Variants in KCNJ5 observed in about 807,000 individuals in gnomAD.
The protein encoded by KCNJ5 is G protein-activated inward rectifier potassium channel 4.
Under a neutral mutation model 20.2 loss-of-function variants are expected in KCNJ5, and 12 were observed. The ratio of observed to expected loss-of-function variants is 0.59; its 90% confidence interval spans 0.38 to 0.96. The LOEUF (loss-of-function observed/expected upper bound fraction) is 0.96. Ranked by LOEUF, KCNJ5 falls within the 40% of genes least tolerant of loss-of-function variation. KCNJ5 has a pLI of 0.00. For synonymous variants in KCNJ5, 210 were observed against 213.9 expected (o/e 0.98, Z 0.16); for missense variants, 449 against 557.6 (o/e 0.81, Z 1.96).
chr11:128,920,789 C>G lies in KCNJ5; in HGVS notation c.*4058C>G, dbSNP rs578203304. The stretch of plus-strand genomic sequence containing the variant: ...GGTCCTGCCTAAACTCTCACATCCA[C>G]GGCACCACGCTGGGCCCAGGCAACA... On this transcript the variant is annotated 3_prime_UTR_variant, in exon 3 of 3. Transcript: ENST00000529694. 2.6e-5 allele frequency: 4 copies of G among 152,372 alleles called. No individual in the cohort carries two copies. Among genetic ancestry groups the G allele is most frequent in the Admixed American group, 6.5e-5 (1 of 15,314 alleles). The allele number at this position is 152,372 out of a possible 1,614,324, so 9.4% of individuals were successfully genotyped here.
intron 2 of KCNJ5, among the ~76,000 whole-genome samples, chr11:128,915,180 A>C (rs985795032): frequency 6.6e-6 from 1 of 152,246 alleles, no homozygotes; most frequent in Non-Finnish European, 1.5e-5. Flanking sequence ...AATATCAGAA[A>C]GCTGCTTTCC....
In KCNJ5 at chr11:128,911,940, G is replaced by A. The variant is rs761349623; in HGVS notation, c.667G>A (p.Asp223Asn). The A allele has an allele frequency of 1.9e-6, 3 of 1,599,384 alleles. No individual in the cohort carries two copies. The highest frequency in any genetic ancestry group is 1.3e-5 in the African/African-American group (1 of 74,644). The change falls in exon 2 of 3, where the codon GAC becomes AAC. Residue 223 changes from aspartate to asparagine, a missense_variant. By Grantham distance (23) the Asp-to-Asn change is conservative. Around this residue, in one of 5 missense-constraint regions of KCNJ5, gnomAD observed 145 missense variants for 166.2 expected, o/e 0.87. Transcript: ENST00000529694. The surrounding 1 kb of genome is among the most constrained non-coding windows in gnomAD (Gnocchi z 6.3). ...GCTGTGCCTCATGTTCCGGGTGGGC[G>A]ACCTCCGCAACTCCCACATCGTGGA... ...EKLCLMFRVG[D>N]LRNSHIVEAS...
chr11:128,903,675 C>T (rs1388876037), intron 1 of KCNJ5, among the ~76,000 whole-genome samples: 1 of 152,176 alleles, frequency 6.6e-6, no homozygotes, highest in Non-Finnish European at 1.5e-5. Flanking sequence ...ACCTGGGATG[C>T]ATGGACATCT....
Position 128,920,621 on chromosome 11 carries a change from G to C in KCNJ5, c.*3890G>C, listed in dbSNP as rs1944651579. On this transcript the variant is annotated 3_prime_UTR_variant, in exon 3 of 3. Transcript: ENST00000529694. ...GGTGCCTGCCGTGGGTCAGGCACTTGATTCTCAAAACACTGCCGAGAAGCT... is the reference window on the plus strand; with the variant it reads ...GGTGCCTGCCGTGGGTCAGGCACTTCATTCTCAAAACACTGCCGAGAAGCT... The C allele has an allele frequency of 6.6e-6, 1 of 152,272 alleles. No individual in the cohort carries two copies. Among genetic ancestry groups the C allele is most frequent in the Admixed American group, 6.5e-5 (1 of 15,288 alleles). 9.4% of individuals were successfully genotyped at this position (152,272 alleles called of 1,614,324 possible).
Position 128,911,568 on chromosome 11 carries a change from G to A in KCNJ5, c.295G>A (p.Val99Ile), listed in dbSNP as rs1390685442. The A allele has an allele frequency of 6.2e-7, 1 of 1,614,096 alleles. No homozygotes were observed. The highest frequency in any genetic ancestry group is 2.2e-5 in the East Asian group (1 of 44,896). The change falls in exon 2 of 3, where the codon GTC (valine) becomes ATC (isoleucine). Residue 99 changes from valine (V) to isoleucine (I), a missense_variant. Physicochemically the swap from Val to Ile is conservative, Grantham distance 29. Coordinates refer to ENST00000529694, the MANE Select transcript of KCNJ5 (RefSeq NM_000890.5). This position sits in a 1 kb window ranked among gnomAD's most constrained non-coding sequence, Gnocchi z 6.3. Reference sequence around the variant, plus strand: ...GCTCGTCTTCACCATGGTTTACACTGTCACCTGGCTGTTCTTCGGCTTCAT... The same window carrying A: ...GCTCGTCTTCACCATGGTTTACACTATCACCTGGCTGTTCTTCGGCTTCAT... The part of the protein sequence containing the change: ...NLLVFTMVYT[V>I]TWLFFGFIWW...
rs61176061 is a variant in KCNJ5 at position 128,916,244 on chromosome 11, A to AGATGGATGGATG, written c.938-140_938-129dup. On this transcript the variant is annotated intron_variant, in intron 2 of 2. Coordinates refer to ENST00000529694, the MANE Select transcript of KCNJ5 (RefSeq NM_000890.5). ...TGGATGGTTGGATGGATAGATGATT[A>AGATGGATGGATG]GATGGATGGATGGATGGATGGATGG... 0.33 allele frequency among the ~76,000 whole-genome samples: 42,504 copies of AGATGGATGGATG among 128,496 alleles called. 8,300 individuals are homozygous for AGATGGATGGATG. The highest frequency in any genetic ancestry group is 0.52 in the African/African-American group (16,970 of 32,930). 84.3% of individuals were successfully genotyped at this position (128,496 alleles called of 152,430 possible).
chr11:128,894,121 C>G (rs1485754764), intron 1 of KCNJ5, among the ~76,000 whole-genome samples: 9 of 151,990 alleles, frequency 5.9e-5, no homozygotes, highest in Non-Finnish European at 8.8e-5. Flanking sequence ...CTGCGGTGGG[C>G]GAAGCCACAA....
At position 128,918,421 on chromosome 11, in the gene KCNJ5, G is replaced by C. The variant is rs2846695; in HGVS notation, c.*1690G>C. 24,173 of 152,344 alleles carry C rather than the reference G, an allele frequency of 0.16. 2,221 individuals are homozygous for C. Among genetic ancestry groups the C allele is most frequent in the Middle Eastern group, 0.25 (73 of 294 alleles). 9.4% of individuals were successfully genotyped at this position (152,344 alleles called of 1,614,324 possible). ...AGGCCCAAGAGCAAGGGTGGAGGGGGGCAGATTGTCAGGTCCCGAAATGTG... is the reference window on the plus strand; with the variant it reads ...AGGCCCAAGAGCAAGGGTGGAGGGGCGCAGATTGTCAGGTCCCGAAATGTG... On this transcript the variant is annotated 3_prime_UTR_variant, in exon 3 of 3. Transcript: ENST00000529694.
At chr11:128,910,118 G>A (rs1485698374) in intron 1 of KCNJ5, among the ~76,000 whole-genome samples, 1 of 152,220 alleles carries the variant, frequency 6.6e-6, no homozygotes, top group Non-Finnish European at 1.5e-5. Flanking sequence ...ATTTCCTAGT[G>A]CAGTTCCTGG....
chr11:128,904,414 G>A, intron 1 of KCNJ5: 1 of 1,614,026 alleles, frequency 6.2e-7, no homozygotes, highest in South Asian at 1.1e-5. Flanking sequence ...CGCATCAAGG[G>A]TCGTCAATCT....
chr11:128,906,018 T>G (rs1186352184), intron 1 of KCNJ5: 2 of 152,120 alleles, frequency 1.3e-5, no homozygotes, highest in East Asian at 1.9e-4. Flanking sequence ...TTCCTTATCC[T>G]CAAGGCGTTT....
At chr11:128,902,814 A>G (rs1391291608) in intron 1 of KCNJ5, 2 of 1,360,652 alleles carry the variant, frequency 1.5e-6, no homozygotes, top group East Asian at 2.3e-5. Flanking sequence ...CAACATGTCC[A>G]TGGGCAGAAA....
chr11:128,900,187 T>C (rs2135985882), intron 1 of KCNJ5: 1 of 152,360 alleles, frequency 6.6e-6, no homozygotes, highest in East Asian at 1.9e-4. Context: ...ATGGTCTTTT[T>C]GTCTCTGTAT....
intron 1 of KCNJ5, among the ~76,000 whole-genome samples, chr11:128,910,965 C>T (rs987942219): frequency 5.9e-5 from 9 of 152,184 alleles, no homozygotes; most frequent in African/African-American, 2.2e-4. Flanking sequence ...TTAAATTGCT[C>T]CCAGGTTTCT....
intron 1 of KCNJ5, among the ~76,000 whole-genome samples, chr11:128,893,751 C>T (rs1249785012): frequency 6.6e-6 from 1 of 152,190 alleles, no homozygotes; most frequent in East Asian, 1.9e-4. Context: ...CAGGGCTGTC[C>T]CCAAAGCTTA....
intron 2 of KCNJ5, among the ~76,000 whole-genome samples, chr11:128,912,858 C>A (rs750098684): frequency 7.2e-5 from 11 of 152,166 alleles, no homozygotes; most frequent in Non-Finnish European, 1.5e-4. Context: ...CACAGACAGG[C>A]TAAATTATTT....
At chr11:128,897,251 C>T (rs879941895) in intron 1 of KCNJ5, among the ~76,000 whole-genome samples, 1 of 152,040 alleles carries the variant, frequency 6.6e-6, no homozygotes, top group Non-Finnish European at 1.5e-5. Flanking sequence ...GTGCGTGCCA[C>T]CATGCCTGGC....
In KCNJ5 at chr11:128,916,571, T is replaced by C; in HGVS notation, c.1100T>C (p.Leu367Pro). 6.2e-7 allele frequency: 1 copy of C among 1,614,114 alleles called. No individual in the cohort carries two copies. The highest frequency in any genetic ancestry group is 2.2e-5 in the East Asian group (1 of 44,868). The change falls in exon 3 of 3, where the codon CTG becomes CCG. Residue 367 changes from leucine to proline, a missense_variant. Leu to Pro is a moderately conservative substitution (Grantham distance 98, BLOSUM62 -3). This residue lies in a region of KCNJ5 where 34 missense variants were observed against 63.8 expected (regional missense o/e 0.53). Transcript: ENST00000529694. Reference sequence around the variant, plus strand: ...ACACCCAGCTGCTGTGCCAAGGAGCTGGCAGAAATGAAGAGGGAAGGCCGG... The same window carrying C: ...ACACCCAGCTGCTGTGCCAAGGAGCCGGCAGAAATGAAGAGGGAAGGCCGG... ...TNTPSCCAKE[L>P]AEMKREGRLL...
chr11:128,892,456 G>T (rs940395066), intron 1 of KCNJ5, among the ~76,000 whole-genome samples: 3 of 152,132 alleles, frequency 2.0e-5, no homozygotes, highest in African/African-American at 7.2e-5. Flanking sequence ...CTCAGGTCCG[G>T]CCCCCAAAGT....
Sources: allele counts gnomAD v4.1 joint callset (sites outside exome capture counted in the v4.1 genomes callset), GRCh38; gene constraint gnomAD v4.1.1; regional missense constraint gnomAD v4.1.1; non-coding constraint Gnocchi (gnomAD v3.1); transcripts MANE v1.5; gene names NCBI Gene and HGNC (gene_info 2026-07-23, HGNC 2026-07-21).